The following PSMD14 variants were observed in gnomAD, a reference collection of about 807,000 sequenced individuals.
PSMD14 encodes the protein proteasome 26S subunit, non-ATPase 14, also known as ubiquitin C-terminal hydrolase PSMD14.
In PSMD14, 7 loss-of-function variants were observed where a neutral mutation model predicts 41.2. The ratio of observed to expected loss-of-function variants is 0.17; its 90% CI spans 0.10 to 0.32. The LOEUF (loss-of-function observed/expected upper bound fraction) is 0.32, where lower values mean the gene tolerates loss of function less well. Among genes scored for constraint, PSMD14 ranks in the 10% least tolerant of loss-of-function variants. The pLI is 1.00. For synonymous variants in PSMD14, 114 were observed against 122.3 expected, an observed-to-expected ratio of 0.93 and a Z score of 0.45; for missense variants, 139 against 375.6, an observed-to-expected ratio of 0.37 and a Z score of 5.21.
chr2:161,341,030 C>A (rs1446489734), intron 3 of PSMD14: 34 of 1,606,650 alleles, frequency 2.1e-5, no homozygotes, highest in Non-Finnish European at 2.9e-5. Context: ...CTGGCGCCGC[C>A]GCGGGATCCC....
At chr2:161,358,028 C>CTT (rs1019813919) in intron 3 of PSMD14, among the ~76,000 whole-genome samples, 1 of 151,806 alleles carries the variant, frequency 6.6e-6, no homozygotes, top group African/African-American at 2.4e-5. Context: ...AGAAAAAAGA[C>CTT]TTTTTTTCCA....
chr2:161,369,195 C>G (rs1241317358), intron 5 of PSMD14, among the ~76,000 whole-genome samples: 1 of 151,838 alleles, frequency 6.6e-6, no homozygotes, highest in Non-Finnish European at 1.5e-5. Flanking sequence ...TCATTACTTC[C>G]ATGTAAATGC....
intron 3 of PSMD14, among the ~76,000 whole-genome samples, chr2:161,324,767 A>G (rs115443333): frequency 7.0e-4 from 107 of 152,168 alleles, no homozygotes; most frequent in African/African-American, 2.5e-3. Context: ...ATTAAAGGCA[A>G]AGTCATCAAT....
rs1179338422 is a variant in PSMD14, at chr2:161,389,673, A to T, written c.571-1431A>T. On this transcript the variant is annotated intron_variant, in intron 8 of 11. Coordinates refer to ENST00000409682, the MANE Select transcript of PSMD14 (RefSeq NM_005805.6). ...CTCATTGGAGTGATTTTTGCTAGCA[A>T]AGCTTAAAAATTAACATAATGCTTT... Among the ~76,000 whole-genome samples the T allele has an allele frequency of 2.0e-5, 3 of 151,788 alleles. 1 individual carries two copies. Among genetic ancestry groups the T allele is most frequent in the Non-Finnish European group, 1.5e-5 (1 of 67,976 alleles).
chr2:161,394,835 T>C (rs889181464), intron 9 of PSMD14, among the ~76,000 whole-genome samples: 1 of 152,138 alleles, frequency 6.6e-6, no homozygotes, highest in Non-Finnish European at 1.5e-5. Flanking sequence ...GAAGGTAAGT[T>C]ATGCAAAGAT....
At chr2:161,358,129 A>T (rs1001169235) in intron 3 of PSMD14, among the ~76,000 whole-genome samples, 2 of 152,250 alleles carry the variant, frequency 1.3e-5, no homozygotes, top group East Asian at 1.9e-4. Context: ...TTATATCATT[A>T]TATAATTTTT....
At chr2:161,387,650 C>T (rs1022268938) in intron 8 of PSMD14, among the ~76,000 whole-genome samples, 4 of 151,892 alleles carry the variant, frequency 2.6e-5, no homozygotes, top group African/African-American at 4.8e-5. Flanking sequence ...ATCAGTTCTC[C>T]ATTCTGCAAG....
chr2:161,313,720 A>C (rs1328460887), intron 1 of PSMD14, among the ~76,000 whole-genome samples: 1 of 152,218 alleles, frequency 6.6e-6, no homozygotes, highest in Non-Finnish European at 1.5e-5. Flanking sequence ...CATCCTTTGA[A>C]TGGGCATCAT....
chr2:161,396,395 CAGATAAAGAAAATGTGGTGTAT>C (rs1683795435), intron 10 of PSMD14, among the ~76,000 whole-genome samples: 1 of 151,804 alleles, frequency 6.6e-6, no homozygotes, highest in African/African-American at 2.4e-5. Flanking sequence ...AATCAACAGA[CAGATAAAGAAAATGTGGTGTAT>C]AGATATACAT....
At position 161,395,258 on chromosome 2, in the gene PSMD14, G is replaced by A. The variant is rs886530992; in HGVS notation, c.771+55G>A. 14 of 1,381,964 alleles carry A rather than the reference G, an allele frequency of 1.0e-5. No homozygotes were observed. In the East Asian group the frequency reaches 1.5e-4, roughly 14 times the overall value. The allele number at this position is 1,381,964 out of a possible 1,614,324, so 85.6% of individuals were successfully genotyped here. A position where few individuals can be genotyped will look rare whatever the true frequency, so the allele number is the denominator to read the frequency against. On this transcript the variant is annotated intron_variant, in intron 10 of 11. Transcript: ENST00000409682. The stretch of plus-strand genomic sequence containing the variant: ...ATAATCTTTGGAATATGTATGATTA[G>A]ATGCCAAGCATTGTGTAAGTAATTA...
intron 7 of PSMD14, among the ~76,000 whole-genome samples, chr2:161,371,803 C>CA (rs1054722385): frequency 1.3e-5 from 2 of 152,076 alleles, no homozygotes; most frequent in Admixed American, 1.3e-4. Context: ...GACTTGGTAT[C>CA]AACCATTCAC....
chr2:161,411,484 G>A lies in PSMD14; in HGVS notation c.*84G>A. ...GCTCAAAATCAAGGGACCTCTGAAGGTGTACTTGGCTAAATGTAAGACATC... is the reference window on the plus strand; with the variant it reads ...GCTCAAAATCAAGGGACCTCTGAAGATGTACTTGGCTAAATGTAAGACATC... On this transcript the variant is annotated 3_prime_UTR_variant, in exon 12 of 12. Coordinates refer to ENST00000409682, the MANE Select transcript of PSMD14 (RefSeq NM_005805.6). 3 of 941,980 alleles carry A rather than the reference G, an allele frequency of 3.2e-6. No homozygotes were observed. Among genetic ancestry groups the A allele is most frequent in the Non-Finnish European group, 4.6e-6 (3 of 646,168 alleles). 58.4% of individuals were successfully genotyped at this position (941,980 alleles called of 1,614,324 possible).
At chr2:161,368,704 C>G (rs1260322173) in intron 5 of PSMD14, among the ~76,000 whole-genome samples, 1 of 151,984 alleles carries the variant, frequency 6.6e-6, no homozygotes. Flanking sequence ...CAATATTTCT[C>G]TTACTGAGCC....
intron 3 of PSMD14, among the ~76,000 whole-genome samples, chr2:161,361,850 G>C (rs1683293513): frequency 6.6e-6 from 1 of 152,086 alleles, no homozygotes; most frequent in Non-Finnish European, 1.5e-5. Context: ...GCATACACAA[G>C]AATTTCCATT....
At chr2:161,316,943 G>A (rs1689154312) in intron 2 of PSMD14, among the ~76,000 whole-genome samples, 1 of 152,154 alleles carries the variant, frequency 6.6e-6, no homozygotes. Context: ...CAGAGGGATA[G>A]ATAAACTGAA....
chr2:161,324,410 A>G (rs1370291729), intron 3 of PSMD14, among the ~76,000 whole-genome samples: 1 of 152,156 alleles, frequency 6.6e-6, no homozygotes, highest in East Asian at 1.9e-4. Flanking sequence ...CCAACTTGGG[A>G]AAAATGGGAA....
At chr2:161,353,778 G>T (rs1683153245) in intron 3 of PSMD14, among the ~76,000 whole-genome samples, 1 of 152,118 alleles carries the variant, frequency 6.6e-6, no homozygotes, top group South Asian at 2.1e-4. Context: ...CTTGTGTGTA[G>T]CTAGTACATG....
chr2:161,340,958 C>A (rs2105241620), intron 3 of PSMD14: 4 of 1,613,396 alleles, frequency 2.5e-6, no homozygotes, highest in Middle Eastern at 1.8e-4. Context: ...ATGGCCCCTT[C>A]TCACCATCCA....
intron 3 of PSMD14, among the ~76,000 whole-genome samples, chr2:161,346,391 T>C (rs1174462373): frequency 6.6e-6 from 1 of 152,036 alleles, no homozygotes; most frequent in Non-Finnish European, 1.5e-5. Flanking sequence ...ATGTTTTCCA[T>C]GTGTCTCCTT....
Sources: gnomAD v4.1 joint callset for allele counts (sites outside exome capture counted in the v4.1 genomes callset) on GRCh38, gnomAD v4.1.1 for gene constraint, MANE v1.5 for transcripts, NCBI Gene and HGNC (gene_info 2026-07-23, HGNC 2026-07-21) for gene names.